The following FCHSD2 variants were observed in gnomAD, a reference collection of about 807,000 sequenced individuals.
FCHSD2 encodes FCH and double SH3 domains 2.
A neutral mutation model predicts 108.1 loss-of-function variants in FCHSD2; 38 were observed. That is an observed-to-expected ratio of 0.35 (90% CI 0.27 to 0.46). The LOEUF (loss-of-function observed/expected upper bound fraction) is 0.46, where lower values mean the gene tolerates loss of function less well. FCHSD2 is among the 20% of genes least tolerant of loss of function. FCHSD2 has a pLI of 1.00. For synonymous variants in FCHSD2, 279 were observed against 314.7 expected (o/e 0.89, Z 1.20); for missense variants, 751 against 897.8 (o/e 0.84, Z 2.09).
At chr11:72,879,234 T>C (rs1299867636) in intron 12 of FCHSD2, among the ~76,000 whole-genome samples, 1 of 152,184 alleles carries the variant, frequency 6.6e-6, no homozygotes, top group Non-Finnish European at 1.5e-5. Context: ...ATCTCTACAT[T>C]AACCCAAACA....
At chr11:73,000,494 G>C (rs939117314) in intron 5 of FCHSD2, among the ~76,000 whole-genome samples, 1 of 152,066 alleles carries the variant, frequency 6.6e-6, no homozygotes, top group Non-Finnish European at 1.5e-5. Flanking sequence ...ATTTACTCAT[G>C]TGTAACCCAT....
intron 8 of FCHSD2, among the ~76,000 whole-genome samples, chr11:72,957,401 T>C (rs1447581071): frequency 1.3e-5 from 2 of 151,396 alleles, no homozygotes; most frequent in East Asian, 3.9e-4. Flanking sequence ...CCATGGTGTA[T>C]ATGTGCCACA....
intron 12 of FCHSD2, among the ~76,000 whole-genome samples, chr11:72,885,588 C>T (rs1386732585): frequency 2.0e-5 from 3 of 152,084 alleles, no homozygotes; most frequent in Admixed American, 6.5e-5. Flanking sequence ...TCGGTGATAC[C>T]ATGCATGGGG....
At chr11:72,948,901 G>A (rs534386716) in intron 8 of FCHSD2, among the ~76,000 whole-genome samples, 44 of 151,814 alleles carry the variant, frequency 2.9e-4, no homozygotes, top group African/African-American at 9.9e-4. Flanking sequence ...TCCTGACCTC[G>A]TGATCTGCCC....
intron 8 of FCHSD2, 50 bp from the exon 9 acceptor site, chr11:72,922,000 C>T (rs761220678): frequency 1.7e-4 from 229 of 1,353,870 alleles, no homozygotes; most frequent in Non-Finnish European, 2.3e-4. Context: ...AAAGCCTTGA[C>T]ATATGATATC....
chr11:73,099,324 A>T (rs926978931), intron 2 of FCHSD2, among the ~76,000 whole-genome samples: 1 of 152,236 alleles, frequency 6.6e-6, no homozygotes, highest in African/African-American at 2.4e-5. Context: ...GGATGTGAAG[A>T]AATTAGAACC....
At position 72,907,607 on chromosome 11, in the gene FCHSD2, T is replaced by TTTG. The variant is rs1356919405; in HGVS notation, c.829-4970_829-4969insCAA. ...TTGAGATAATCACGTGGGTTTTTTT[T>TTTG]TTTTTTTTTTTTCTTGAGACGGAGT... On this transcript the variant is annotated intron_variant, in intron 9 of 19. Transcript: ENST00000409418. Among the ~76,000 whole-genome samples, 94 of 147,674 alleles carry TTTG rather than the reference T, an allele frequency of 6.4e-4. 1 individual carries two copies. Among genetic ancestry groups the TTTG allele is most frequent in the African/African-American group, 2.3e-3 (93 of 40,064 alleles).
chr11:73,087,194 T>A (rs1018396535), intron 2 of FCHSD2, among the ~76,000 whole-genome samples: 11 of 152,220 alleles, frequency 7.2e-5, no homozygotes, highest in African/African-American at 2.6e-4. Flanking sequence ...GTGTCTTTGT[T>A]TTTGACAAAA....
intron 13 of FCHSD2, among the ~76,000 whole-genome samples, 152 bp downstream of exon 13, chr11:72,867,713 A>T (rs1441570534): frequency 1.3e-5 from 2 of 152,232 alleles, no homozygotes; most frequent in East Asian, 3.8e-4. Context: ...CAATAATTTT[A>T]AATCAATTAG....
intron 5 of FCHSD2, among the ~76,000 whole-genome samples, chr11:72,997,962 A>C (rs973817936): frequency 2.0e-5 from 3 of 152,160 alleles, no homozygotes; most frequent in Non-Finnish European, 4.4e-5. Flanking sequence ...CAAAGTGCTG[A>C]AATTACAGGT....
At chr11:72,949,483 AAAAAGAAAAGAAAAG>A (rs576112122) in intron 8 of FCHSD2, among the ~76,000 whole-genome samples, 1 of 151,948 alleles carries the variant, frequency 6.6e-6, no homozygotes, top group Non-Finnish European at 1.5e-5. Flanking sequence ...GAAAGGAAAG[AAAAAGAAAAGAAAAG>A]AAAAGAAAAG....
intron 2 of FCHSD2, among the ~76,000 whole-genome samples, chr11:73,135,421 A>G (rs1861100047): frequency 6.6e-6 from 1 of 152,174 alleles, no homozygotes; most frequent in Admixed American, 6.5e-5. Flanking sequence ...AGACCTCCTT[A>G]AACTGTCCTC....
At chr11:73,065,120 C>T (rs1297233054) in intron 3 of FCHSD2, among the ~76,000 whole-genome samples, 1 of 152,174 alleles carries the variant, frequency 6.6e-6, no homozygotes, top group Non-Finnish European at 1.5e-5. Context: ...AAAACACTGG[C>T]AAACCAAATC....
chr11:72,962,435 T>C (rs1565343858), intron 8 of FCHSD2, among the ~76,000 whole-genome samples: 1 of 152,074 alleles, frequency 6.6e-6, no homozygotes, highest in Non-Finnish European at 1.5e-5. Context: ...TTTTTAAGAG[T>C]GTAAAGAGGT....
At chr11:72,995,922 G>A (rs1299332314) in intron 5 of FCHSD2, among the ~76,000 whole-genome samples, 1 of 152,054 alleles carries the variant, frequency 6.6e-6, no homozygotes, top group African/African-American at 2.4e-5. Context: ...AATTTTTACT[G>A]TAGACTTAAG....
intron 3 of FCHSD2, among the ~76,000 whole-genome samples, chr11:73,047,635 G>A (rs1005440168): frequency 3.9e-5 from 6 of 152,080 alleles, no homozygotes; most frequent in South Asian, 2.1e-4. Flanking sequence ...GATTTCTAAC[G>A]GCAAATATTT....
At chr11:73,093,486 A>C (rs1860003562) in intron 2 of FCHSD2, among the ~76,000 whole-genome samples, 2 of 152,170 alleles carry the variant, frequency 1.3e-5, no homozygotes, top group Admixed American at 6.5e-5. Flanking sequence ...CTGGTGTCAG[A>C]ATTGAGAGCT....
intron 2 of FCHSD2, among the ~76,000 whole-genome samples, chr11:73,097,510 G>GT (rs200737760): frequency 0.011 from 1,561 of 148,250 alleles, 23 homozygotes; most frequent in African/African-American, 0.029. Flanking sequence ...CTTTTCTTCT[G>GT]TTTTTTTGGA....
At chr11:72,983,293 CAA>C (rs558732342) in intron 8 of FCHSD2, among the ~76,000 whole-genome samples, 11 of 105,976 alleles carry the variant, frequency 1.0e-4, no homozygotes, top group African/African-American at 9.5e-5. Context: ...GACTCCGTCT[CAA>C]AAAAAAAAAA....
Sources: allele counts gnomAD v4.1 joint callset (sites outside exome capture counted in the v4.1 genomes callset), GRCh38; gene constraint gnomAD v4.1.1; transcripts MANE v1.5; gene names NCBI Gene and HGNC (gene_info 2026-07-23, HGNC 2026-07-21).